Variants in ZPBP observed in about 807,000 individuals in gnomAD.
The protein encoded by ZPBP is zona pellucida-binding protein 1.
In ZPBP, 26 loss-of-function variants were observed where a neutral mutation model predicts 44.8. The ratio of observed to expected loss-of-function variants is 0.58; its 90% CI spans 0.43 to 0.81. The LOEUF (loss-of-function observed/expected upper bound fraction) is 0.81. ZPBP is among the 30% of genes least tolerant of loss of function. The probability of loss-of-function intolerance (pLI) is 0.00; values close to 1 mark genes in which losing one functional copy is unlikely to be tolerated. For missense variants in ZPBP, 409 were observed against 434.0 expected (o/e 0.94, Z 0.51); for synonymous variants, 174 against 153.2 (o/e 1.14, Z -1.00).
At chr7:50,030,184 C>T (rs1348879073) in intron 5 of ZPBP, among the ~76,000 whole-genome samples, 1 of 151,798 alleles carries the variant, frequency 6.6e-6, no homozygotes, top group East Asian at 1.9e-4. Flanking sequence ...TAAACAGACC[C>T]AGGGGCTGGG....
At chr7:50,008,493 T>C (rs1016839823) in intron 6 of ZPBP, among the ~76,000 whole-genome samples, 1 of 151,630 alleles carries the variant, frequency 6.6e-6, no homozygotes, top group Admixed American at 6.6e-5. Flanking sequence ...GCCAATGCCA[T>C]TTTTTTTGCA....
At chr7:50,091,334 A>G (rs1258033950) in intron 1 of ZPBP, among the ~76,000 whole-genome samples, 1 of 152,254 alleles carries the variant, frequency 6.6e-6, no homozygotes, top group East Asian at 1.9e-4. Context: ...CTTTAGTTTA[A>G]TTAAGTCCGA....
At chr7:49,899,078 C>A (rs4917099) in intron 2 of ZPBP, among the ~76,000 whole-genome samples, 116,274 of 151,916 alleles carry the variant, frequency 0.77, 44,674 homozygotes, top group East Asian at 0.89. Flanking sequence ...AACAACACAC[C>A]ACTATTTGTT....
chr7:49,992,858 T>C (rs1797630661), intron 6 of ZPBP, among the ~76,000 whole-genome samples: 1 of 151,944 alleles, frequency 6.6e-6, no homozygotes, highest in Admixed American at 6.6e-5. Context: ...AGGACTAAAA[T>C]ATACGAAGAA....
At chr7:50,020,529 C>A (rs1285119581) in intron 5 of ZPBP, among the ~76,000 whole-genome samples, 1 of 152,046 alleles carries the variant, frequency 6.6e-6, no homozygotes, top group East Asian at 1.9e-4. Context: ...AACCACATGA[C>A]ACTCATGTTT....
At position 50,029,421 on chromosome 7, in the gene ZPBP, C is replaced by A. The variant is rs145985757; in HGVS notation, c.706+1671G>T. Among the ~76,000 whole-genome samples, 69 of 152,194 alleles carry A rather than the reference C, an allele frequency of 4.5e-4. 1 individual carries two copies. Among genetic ancestry groups the A allele is most frequent in the Admixed American group, 4.4e-3 (67 of 15,280 alleles). On this transcript the variant is annotated intron_variant, in intron 5 of 7. Coordinates refer to ENST00000046087, the MANE Select transcript of ZPBP (RefSeq NM_007009.3). ...ATGACCTCAGATTTGGCAACATATT[C>A]TTAGAAATGCCACTGAAAGTACAAG...
At chr7:49,960,150 T>C (rs2128763919) in intron 7 of ZPBP, among the ~76,000 whole-genome samples, 1 of 152,182 alleles carries the variant, frequency 6.6e-6, no homozygotes, top group South Asian at 2.1e-4. Flanking sequence ...CCGGGCGCGG[T>C]GACTCAGGCC....
At chr7:49,891,993 T>C (rs549686554) in intron 2 of ZPBP, among the ~76,000 whole-genome samples, 2 of 148,802 alleles carry the variant, frequency 1.3e-5, no homozygotes. Flanking sequence ...CTATAAATTA[T>C]AACCAAAAGA....
At chr7:49,990,648 G>A (rs866400000) in intron 6 of ZPBP, among the ~76,000 whole-genome samples, 5 of 151,920 alleles carry the variant, frequency 3.3e-5, no homozygotes, top group African/African-American at 1.2e-4. Flanking sequence ...ACAATAATTG[G>A]TTGATGGTTC....
At chr7:49,891,128 T>A (rs756737880) in intron 2 of ZPBP, among the ~76,000 whole-genome samples, 1 of 152,240 alleles carries the variant, frequency 6.6e-6, no homozygotes, top group Non-Finnish European at 1.5e-5. Flanking sequence ...AGGGACACTT[T>A]AACTGCAGGA....
chr7:49,983,022 A>G (rs1797099304), intron 7 of ZPBP, among the ~76,000 whole-genome samples: 1 of 152,064 alleles, frequency 6.6e-6, no homozygotes, highest in Admixed American at 6.6e-5. Context: ...CATCAATAGT[A>G]GATTCTAAAA....
intron 2 of ZPBP, among the ~76,000 whole-genome samples, chr7:49,887,086 A>G (rs568465921): frequency 6.6e-6 from 1 of 152,338 alleles, no homozygotes; most frequent in African/African-American, 2.4e-5. Flanking sequence ...CATGAACATT[A>G]AACTACTTGA....
intron 2 of ZPBP, among the ~76,000 whole-genome samples, chr7:49,882,718 A>G (rs1791721743): frequency 6.6e-6 from 1 of 152,182 alleles, no homozygotes; most frequent in African/African-American, 2.4e-5. Context: ...ATCAATGTGT[A>G]ACCTTCCTAA....
intron 4 of ZPBP, among the ~76,000 whole-genome samples, chr7:50,054,264 A>G (rs1260324601): frequency 2.4e-5 from 2 of 81,998 alleles, no homozygotes; most frequent in African/African-American, 6.7e-5. Context: ...TCTCATTACA[A>G]AAAAAAAATT....
chr7:49,970,891 T>G (rs1013674246), intron 7 of ZPBP, among the ~76,000 whole-genome samples: 2 of 148,672 alleles, frequency 1.3e-5, no homozygotes, highest in Admixed American at 6.7e-5. Context: ...AATAAATAAA[T>G]AAATAAGCCA....
chr7:50,035,673 A>C (rs1222518756), intron 4 of ZPBP, among the ~76,000 whole-genome samples: 1 of 152,224 alleles, frequency 6.6e-6, no homozygotes, highest in Non-Finnish European at 1.5e-5. Flanking sequence ...AGATAACAGT[A>C]TTAAGAAAAA....
intron 1 of ZPBP, among the ~76,000 whole-genome samples, chr7:49,924,526 C>A (rs1374784091): frequency 6.6e-6 from 1 of 152,036 alleles, no homozygotes; most frequent in Admixed American, 6.5e-5. Flanking sequence ...CCATATGTTG[C>A]AAATTAAGAA....
chr7:49,980,758 A>G (rs1440546388), intron 7 of ZPBP, among the ~76,000 whole-genome samples: 1 of 152,064 alleles, frequency 6.6e-6, no homozygotes, highest in Non-Finnish European at 1.5e-5. Flanking sequence ...CTCTCCCACT[A>G]CGCCTTACAT....
At position 49,906,833 on chromosome 7, in the gene ZPBP, C is replaced by T. The variant is rs544320369; in HGVS notation, n.412-5618G>A. ...TTGTGTGTTTTAAATCATTTTAACACTTGATGTTTTCGTTGGTTTTTGTTT... is the reference window on the plus strand; with the variant it reads ...TTGTGTGTTTTAAATCATTTTAACATTTGATGTTTTCGTTGGTTTTTGTTT... On this transcript the variant is annotated intron_variant and non_coding_transcript_variant, in intron 1 of 2. Transcript: ENST00000465922. Among the ~76,000 whole-genome samples, 12 of 152,184 alleles carry T rather than the reference C, an allele frequency of 7.9e-5. No individual in the cohort carries two copies. The East Asian group carries it at 2.3e-3, about 29-fold the overall frequency.
Sources: gnomAD v4.1 joint callset for allele counts (sites outside exome capture counted in the v4.1 genomes callset) on GRCh38, gnomAD v4.1.1 for gene constraint, MANE v1.5 for transcripts, NCBI Gene and HGNC (gene_info 2026-07-23, HGNC 2026-07-21) for gene names.